FOXP1: variants seen among roughly 807,000 people sequenced by gnomAD.
FOXP1 encodes the protein forkhead box P1.
Under a neutral mutation model 98.2 loss-of-function variants are expected in FOXP1, and 15 were observed. The observed-to-expected ratio is 0.15, with a 90% CI of 0.10 to 0.24. The LOEUF (loss-of-function observed/expected upper bound fraction) is 0.24, where lower values mean the gene tolerates loss of function less well. Ranked by LOEUF, FOXP1 falls within the 10% of genes least tolerant of loss-of-function variation. The pLI is 1.00. For synonymous variants in FOXP1, 371 were observed against 314.5 expected, an observed-to-expected ratio of 1.18 and a Z score of -1.90; for missense variants, 633 against 848.5, an observed-to-expected ratio of 0.75 and a Z score of 3.15.
At chr3:70,974,277 C>CAGTCT (rs1328609459) in intron 17 of FOXP1, among the ~76,000 whole-genome samples, 1 of 151,962 alleles carries the variant, frequency 6.6e-6, no homozygotes, top group Non-Finnish European at 1.5e-5. Context: ...ATATAAACTG[C>CAGTCT]AGTCTAGTCT....
chr3:71,326,318 A>T (rs1271804816), intron 4 of FOXP1, among the ~76,000 whole-genome samples: 1 of 152,198 alleles, frequency 6.6e-6, no homozygotes, highest in African/African-American at 2.4e-5. Flanking sequence ...GTACATACCC[A>T]ATGGGGACTC....
intron 5 of FOXP1, among the ~76,000 whole-genome samples, chr3:71,208,125 G>A (rs2064181829): frequency 1.3e-5 from 2 of 152,158 alleles, no homozygotes; most frequent in Admixed American, 1.3e-4. Context: ...AAGAGTACAT[G>A]CATCCAACAG....
intron 7 of FOXP1, among the ~76,000 whole-genome samples, chr3:71,105,806 A>G (rs2057376264): frequency 6.6e-6 from 1 of 152,132 alleles, no homozygotes; most frequent in African/African-American, 2.4e-5. Context: ...ACAGACAAAT[A>G]AAGATATACT....
chr3:71,361,609 G>A (rs2078575793), intron 3 of FOXP1, among the ~76,000 whole-genome samples: 1 of 152,118 alleles, frequency 6.6e-6, no homozygotes, highest in African/African-American at 2.4e-5. Flanking sequence ...TCTCCTAAGG[G>A]GACACTAACT....
chr3:71,340,028 C>T (rs1412582838), intron 4 of FOXP1, among the ~76,000 whole-genome samples: 1 of 152,190 alleles, frequency 6.6e-6, no homozygotes, highest in Non-Finnish European at 1.5e-5. Context: ...AGAATTATTT[C>T]ATGTCAAAGT....
At chr3:71,297,221 C>T (rs2073389788) in intron 5 of FOXP1, among the ~76,000 whole-genome samples, 2 of 152,102 alleles carry the variant, frequency 1.3e-5, no homozygotes, top group Admixed American at 1.3e-4. Context: ...ATTAAATAAT[C>T]CCATAGATCA....
At chr3:71,231,778 A>T (rs1048134349) in intron 5 of FOXP1, among the ~76,000 whole-genome samples, 1 of 152,254 alleles carries the variant, frequency 6.6e-6, no homozygotes, top group Non-Finnish European at 1.5e-5. Flanking sequence ...GGTAGATTCA[A>T]CTAGATTATG....
chr3:71,084,639 TA>T (rs1463636856), intron 7 of FOXP1, among the ~76,000 whole-genome samples: 2 of 152,236 alleles, frequency 1.3e-5, no homozygotes, highest in Non-Finnish European at 2.9e-5. Context: ...CCAGGCATGT[TA>T]AAATATAGAA....
chr3:71,094,063 T>G (rs11925635), intron 7 of FOXP1, among the ~76,000 whole-genome samples: 4,421 of 152,222 alleles, frequency 0.029, 203 homozygotes, highest in African/African-American at 0.1. Context: ...AGACCAAACC[T>G]GAACTTTGAA....
intron 3 of FOXP1, among the ~76,000 whole-genome samples, chr3:71,378,848 G>A (rs2079928093): frequency 6.6e-6 from 1 of 151,828 alleles, no homozygotes; most frequent in Non-Finnish European, 1.5e-5. Context: ...GCCCCTATAG[G>A]GTTTAGTACT....
At chr3:71,360,022 A>G (rs1428204279) in intron 3 of FOXP1, among the ~76,000 whole-genome samples, 1 of 152,044 alleles carries the variant, frequency 6.6e-6, no homozygotes, top group African/African-American at 2.4e-5. Context: ...CAAATTCCTG[A>G]CCTCAAATGA....
intron 4 of FOXP1, among the ~76,000 whole-genome samples, chr3:71,328,375 A>T (rs2076051916): frequency 1.3e-5 from 2 of 152,262 alleles, no homozygotes; most frequent in Non-Finnish European, 2.9e-5. Flanking sequence ...ATTTGGTACA[A>T]TGAGGGAACC....
chr3:71,272,247 G>C (rs2568847), intron 5 of FOXP1, among the ~76,000 whole-genome samples: 41,403 of 151,976 alleles, frequency 0.27, 5,746 homozygotes, highest in Non-Finnish European at 0.28. Flanking sequence ...AAGAGTCAAA[G>C]TTTGATAAAT....
chr3:71,573,167 C>CTTTAGTAAATG (rs2047465446), intron 2 of FOXP1, among the ~76,000 whole-genome samples: 1 of 152,182 alleles, frequency 6.6e-6, no homozygotes, highest in African/African-American at 2.4e-5. Flanking sequence ...TGTGACTGTC[C>CTTTAGTAAATG]TGCTTCTTAA....
At chr3:71,118,064 G>A (rs973681838) in intron 6 of FOXP1, among the ~76,000 whole-genome samples, 55 of 152,186 alleles carry the variant, frequency 3.6e-4, no homozygotes, top group African/African-American at 1.3e-3. Flanking sequence ...ATCTATGCCC[G>A]GATCTGCACA....
Position 71,040,116 on chromosome 3 carries a change from T to C in FOXP1, c.869+1212A>G, listed in dbSNP as rs553028477. ...GTGTGTGTGTGTGTATGTATGTATC[T>C]CTGTGTGTGTGTGTGTATCTGTGTG... On this transcript the variant is annotated intron_variant, in intron 11 of 20. Coordinates refer to ENST00000649528, the MANE Select transcript of FOXP1 (RefSeq NM_001349338.3). 4.0e-5 allele frequency among the ~76,000 whole-genome samples: 6 copies of C among 151,646 alleles called. No individual in the cohort carries two copies. The East Asian group carries it at 7.7e-4, about 20-fold the overall frequency.
intron 4 of FOXP1, chr3:71,335,046 G>T (rs1172787477): frequency 3.3e-5 from 5 of 152,056 alleles, no homozygotes; most frequent in Non-Finnish European, 7.4e-5. Context: ...GATCACTTGG[G>T]GCCAGGAGTT....
chr3:71,056,623 G>C (rs988081256), intron 7 of FOXP1, among the ~76,000 whole-genome samples: 1 of 152,110 alleles, frequency 6.6e-6, no homozygotes. Context: ...CCTTAACTTC[G>C]CTTTTACTAT....
In FOXP1 at chr3:71,227,183, C is replaced by T. The variant is rs140226469; in HGVS notation, c.-11-28791G>A. Among the ~76,000 whole-genome samples, 17 of 152,242 alleles carry T rather than the reference C, an allele frequency of 1.1e-4. No homozygotes were observed. The East Asian group carries it at 3.1e-3, about 28-fold the overall frequency. ...GTCTGCCTTTACAGCCCCACAGGCACGCGACCATGGTGACATCGGGCAGCT... is the reference window on the plus strand; with the variant it reads ...GTCTGCCTTTACAGCCCCACAGGCATGCGACCATGGTGACATCGGGCAGCT... On this transcript the variant is annotated intron_variant, in intron 5 of 20. Transcript: ENST00000649528.
Sources: gnomAD v4.1 joint callset for allele counts (sites outside exome capture counted in the v4.1 genomes callset) on GRCh38, gnomAD v4.1.1 for gene constraint, MANE v1.5 for transcripts, NCBI Gene and HGNC (gene_info 2026-07-23, HGNC 2026-07-21) for gene names.